Variants in FAF1 observed in about 807,000 individuals in gnomAD.
FAF1 encodes Fas associated factor 1, also known as FAS-associated factor 1.
In FAF1, 25 loss-of-function variants were observed where a neutral mutation model predicts 92.5. That is an observed-to-expected ratio of 0.27 (90% CI 0.20 to 0.38). The LOEUF is 0.38. Ranked by LOEUF, FAF1 falls within the 10% of genes least tolerant of loss-of-function variation. The pLI, the probability that FAF1 is intolerant of heterozygous loss-of-function variation, is 1.00. For synonymous variants in FAF1, 234 were observed against 273.2 expected (o/e 0.86, Z 1.42); for missense variants, 636 against 793.3 (o/e 0.80, Z 2.38).
At chr1:50,907,563 T>C (rs1644850168) in intron 1 of FAF1, among the ~76,000 whole-genome samples, 1 of 152,202 alleles carries the variant, frequency 6.6e-6, no homozygotes, top group African/African-American at 2.4e-5. Flanking sequence ...CAGAGCCTGT[T>C]ATTGGTCTAT....
intron 1 of FAF1, among the ~76,000 whole-genome samples, chr1:50,910,715 G>A (rs1022771487): frequency 2.0e-5 from 3 of 151,756 alleles, no homozygotes; most frequent in Non-Finnish European, 4.4e-5. Flanking sequence ...TGTGCCGTTC[G>A]CTAAGACCAT....
At chr1:50,490,290 G>C (rs1646815360) in intron 17 of FAF1, among the ~76,000 whole-genome samples, 1 of 151,980 alleles carries the variant, frequency 6.6e-6, no homozygotes, top group Non-Finnish European at 1.5e-5. Flanking sequence ...AACCTGGGAG[G>C]TGGAGGCTAC....
intron 1 of FAF1, among the ~76,000 whole-genome samples, chr1:50,877,343 T>G (rs1314818920): frequency 6.6e-6 from 1 of 152,172 alleles, no homozygotes; most frequent in Non-Finnish European, 1.5e-5. Context: ...TGATGTACAC[T>G]TTACAAAATA....
At chr1:50,617,485 C>A (rs562543614) in intron 8 of FAF1, among the ~76,000 whole-genome samples, 1 of 152,104 alleles carries the variant, frequency 6.6e-6, no homozygotes, top group East Asian at 1.9e-4. Context: ...ACTTTGCATC[C>A]CAGGGATAAA....
intron 6 of FAF1, among the ~76,000 whole-genome samples, chr1:50,708,242 G>A (rs993099943): frequency 6.6e-6 from 1 of 152,188 alleles, no homozygotes; most frequent in Non-Finnish European, 1.5e-5. Context: ...GCTGGTTCAG[G>A]AAAGAAGTGA....
intron 6 of FAF1, among the ~76,000 whole-genome samples, chr1:50,738,508 A>G (rs192130012): frequency 2.2e-4 from 34 of 152,004 alleles, no homozygotes; most frequent in Admixed American, 2.0e-3. Context: ...AGCTCAATGA[A>G]TTTTCCTCAA....
chr1:50,657,749 A>C (rs907128785), intron 7 of FAF1, among the ~76,000 whole-genome samples: 1 of 152,236 alleles, frequency 6.6e-6, no homozygotes, highest in African/African-American at 2.4e-5. Flanking sequence ...ATACTAGTTC[A>C]CTACGGAAAG....
intron 4 of FAF1, chr1:50,781,036 C>A: frequency 2.2e-6 from 1 of 452,256 alleles, no homozygotes; most frequent in East Asian, 6.4e-5. Flanking sequence ...GGGTGACAGC[C>A]TGATTGAACT....
At chr1:50,463,464 C>T (rs1471891703) in intron 18 of FAF1, among the ~76,000 whole-genome samples, 1 of 152,142 alleles carries the variant, frequency 6.6e-6, no homozygotes, top group Admixed American at 6.5e-5. Context: ...ACCCCCAACA[C>T]ATTATATGAA....
intron 12 of FAF1, among the ~76,000 whole-genome samples, chr1:50,570,317 A>T (rs544485154): frequency 6.6e-6 from 1 of 152,364 alleles, no homozygotes; most frequent in African/African-American, 2.4e-5. Flanking sequence ...AAACTTTAGG[A>T]AAGTGTTTAG....
chr1:50,648,419 G>A (rs1258539485), intron 8 of FAF1, among the ~76,000 whole-genome samples: 1 of 152,164 alleles, frequency 6.6e-6, no homozygotes, highest in Non-Finnish European at 1.5e-5. Flanking sequence ...TTTAGCTAAA[G>A]CTGAGACACA....
intron 6 of FAF1, among the ~76,000 whole-genome samples, chr1:50,731,094 G>A (rs946510376): frequency 2.0e-5 from 3 of 152,150 alleles, no homozygotes; most frequent in Admixed American, 2.0e-4. Flanking sequence ...TGATGGTCAC[G>A]CAGGCAAAAA....
chr1:50,625,009 C>T (rs1032257199), intron 8 of FAF1, among the ~76,000 whole-genome samples: 1 of 149,520 alleles, frequency 6.7e-6, no homozygotes, highest in Non-Finnish European at 1.5e-5. Flanking sequence ...TCAAGAGATT[C>T]TCCTGCCTCA....
At chr1:50,708,099 C>T (rs150957494) in intron 6 of FAF1, among the ~76,000 whole-genome samples, 1,545 of 152,238 alleles carry the variant, frequency 0.01, 40 homozygotes, top group East Asian at 0.014. Context: ...TGAGCCACAG[C>T]GCCCGGCCCG....
At chr1:50,773,585 A>G (rs549390656) in intron 4 of FAF1, among the ~76,000 whole-genome samples, 2 of 152,318 alleles carry the variant, frequency 1.3e-5, no homozygotes, top group African/African-American at 4.8e-5. Context: ...AGAAAGACAA[A>G]TATCACACAC....
rs1649169097 is a variant in FAF1 at position 50,549,117 on chromosome 1, T to C, written c.1269-9389A>G. ...GATCACTAAACAGGAAGTTATTCTTTACACCATGCTTGCCACTGTATTATA... is the reference window on the plus strand; with the variant it reads ...GATCACTAAACAGGAAGTTATTCTTCACACCATGCTTGCCACTGTATTATA... On this transcript the variant is annotated intron_variant, in intron 13 of 18. Coordinates refer to ENST00000396153, the MANE Select transcript of FAF1 (RefSeq NM_007051.3). Among the ~76,000 whole-genome samples, 4 of 152,318 alleles carry C rather than the reference T, an allele frequency of 2.6e-5. 1 individual carries two copies. Among genetic ancestry groups the C allele is most frequent in the Admixed American group, 2.6e-4 (4 of 15,302 alleles).
At chr1:50,585,782 C>A (rs1572850881) in intron 9 of FAF1, among the ~76,000 whole-genome samples, 1 of 149,242 alleles carries the variant, frequency 6.7e-6, no homozygotes, top group South Asian at 2.1e-4. Flanking sequence ...GTAGAATAAC[C>A]TAATATAACA....
intron 6 of FAF1, among the ~76,000 whole-genome samples, chr1:50,711,346 T>G (rs758934180): frequency 2.0e-5 from 3 of 152,232 alleles, no homozygotes; most frequent in Non-Finnish European, 4.4e-5. Context: ...ACAGTGCTTT[T>G]GTAGTAGTTA....
At chr1:50,946,151 G>A (rs892083625) in intron 1 of FAF1, among the ~76,000 whole-genome samples, 3 of 152,324 alleles carry the variant, frequency 2.0e-5, no homozygotes, top group Admixed American at 6.5e-5. Context: ...TTCTGCCCAC[G>A]TTAAGTTACA....
Sources: allele counts gnomAD v4.1 joint callset (sites outside exome capture counted in the v4.1 genomes callset), GRCh38; gene constraint gnomAD v4.1.1; transcripts MANE v1.5; gene names NCBI Gene and HGNC (gene_info 2026-07-23, HGNC 2026-07-21).